TRDN: variants seen among roughly 807,000 people sequenced by gnomAD.
TRDN encodes the protein triadin in skeletal muscle.
In TRDN, 161 loss-of-function variants were observed where a neutral mutation model predicts 149.7. The ratio of observed to expected loss-of-function variants is 1.08; its 90% CI spans 0.95 to 1.23. The LOEUF is 1.23. Among genes scored for constraint, TRDN ranks in the 50% most tolerant of loss-of-function variants. The pLI, the probability that TRDN is intolerant of heterozygous loss-of-function variation, is 0.00. For missense variants in TRDN, 896 were observed against 823.5 expected (o/e 1.09, Z -1.08); for synonymous variants, 294 against 250.5 (o/e 1.17, Z -1.64).
chr6:123,535,972 T>C (rs1351851396), intron 4 of TRDN, among the ~76,000 whole-genome samples: 2 of 152,178 alleles, frequency 1.3e-5, no homozygotes, highest in Non-Finnish European at 2.9e-5. Flanking sequence ...ATGTTGAAGA[T>C]AATTAACACG....
chr6:123,306,786 G>C lies in TRDN; in HGVS notation c.1510+9671C>G, dbSNP rs182021295. 1.7e-3 allele frequency among the ~76,000 whole-genome samples: 253 copies of C among 151,992 alleles called. 1 individual carries two copies. The highest frequency in any genetic ancestry group is 5.8e-3 in the African/African-American group (240 of 41,462). On this transcript the variant is annotated intron_variant, in intron 24 of 40. Coordinates refer to ENST00000334268, the MANE Select transcript of TRDN (RefSeq NM_006073.4). ...CCAGTCTGCAGGTATGTCATGAATT[G>C]CTATTCTTTCTTCCCAAATAAAACA... is the stretch of plus-strand genomic sequence containing the variant.
chr6:123,391,225 A>G (rs1327913496), intron 13 of TRDN, among the ~76,000 whole-genome samples: 2 of 152,104 alleles, frequency 1.3e-5, no homozygotes, highest in African/African-American at 4.8e-5. Context: ...ACTTTTGCTC[A>G]ACATTCATCC....
intron 10 of TRDN, among the ~76,000 whole-genome samples, chr6:123,455,515 A>G (rs1456097131): frequency 6.6e-6 from 1 of 151,704 alleles, no homozygotes; most frequent in East Asian, 1.9e-4. Context: ...GCTATATTTT[A>G]TTTTTCCACT....
chr6:123,518,988 G>T (rs918230316), intron 5 of TRDN, among the ~76,000 whole-genome samples: 1 of 152,114 alleles, frequency 6.6e-6, no homozygotes, highest in Non-Finnish European at 1.5e-5. Context: ...AGCTGCATTC[G>T]CTTGAGCGTC....
intron 1 of TRDN, among the ~76,000 whole-genome samples, chr6:123,600,702 G>A (rs1784239341): frequency 1.3e-5 from 2 of 152,072 alleles, no homozygotes; most frequent in East Asian, 1.9e-4. Flanking sequence ...GACCGCTCTG[G>A]TTATACAGCA....
At chr6:123,497,373 T>A (rs1778494073) in intron 8 of TRDN, 121 bp from the exon 9 acceptor site, 2 of 585,812 alleles carry the variant, frequency 3.4e-6, no homozygotes, top group South Asian at 7.2e-5. Flanking sequence ...ACTACAATAT[T>A]TTCTGTAAAA....
At chr6:123,356,337 T>C (rs114556847) in intron 20 of TRDN, among the ~76,000 whole-genome samples, 12,307 of 151,204 alleles carry the variant, frequency 0.081, 1,665 homozygotes, top group African/African-American at 0.28. Flanking sequence ...ATGAATATAG[T>C]TTCCTTTTAT....
At chr6:123,317,451 AATTT>A (rs1779068194) in intron 23 of TRDN, among the ~76,000 whole-genome samples, 1 of 151,936 alleles carries the variant, frequency 6.6e-6, no homozygotes, top group Admixed American at 6.6e-5. Context: ...TTTAAAAACT[AATTT>A]GTTTAACTGC....
At chr6:123,431,827 G>T (rs575099427) in intron 12 of TRDN, among the ~76,000 whole-genome samples, 2 of 152,210 alleles carry the variant, frequency 1.3e-5, no homozygotes, top group South Asian at 2.1e-4. Context: ...TGTTACAAAA[G>T]ATTCAAAAGT....
chr6:123,380,100 G>T (rs1028869127), intron 16 of TRDN, among the ~76,000 whole-genome samples: 16 of 152,132 alleles, frequency 1.1e-4, no homozygotes, highest in African/African-American at 3.9e-4. Flanking sequence ...AATTTGAAAA[G>T]AACTGATAGG....
chr6:123,351,054 C>G (rs2114292943), intron 21 of TRDN: 1 of 939,474 alleles, frequency 1.1e-6, no homozygotes, highest in East Asian at 1.2e-4. Flanking sequence ...TGTTTTATAT[C>G]TAGTCAATCT....
chr6:123,601,554 T>C (rs1014639359), intron 1 of TRDN, among the ~76,000 whole-genome samples: 4 of 152,092 alleles, frequency 2.6e-5, no homozygotes, highest in African/African-American at 9.7e-5. Context: ...ACATGCCCCA[T>C]TGGTGCTAAT....
chr6:123,226,388 G>A (rs1775368045), intron 38 of TRDN, among the ~76,000 whole-genome samples: 1 of 151,870 alleles, frequency 6.6e-6, no homozygotes, highest in Non-Finnish European at 1.5e-5. Flanking sequence ...CAAAGTCCGT[G>A]TCCAAAAGGA....
Position 123,474,186 on chromosome 6 carries a change from T to C in TRDN, c.854-9203A>G, listed in dbSNP as rs534778283. ...AGTCAAGACCCATCAGTGTGCTGTA[T>C]TCAGGAAACCCATCTCATATGCAGA... On this transcript the variant is annotated intron_variant, in intron 9 of 40. Transcript: ENST00000334268. Among the ~76,000 whole-genome samples the C allele has an allele frequency of 2.6e-5, 4 of 152,094 alleles. 1 individual carries two copies. The South Asian group carries it at 8.3e-4, about 32-fold the overall frequency.
intron 4 of TRDN, among the ~76,000 whole-genome samples, chr6:123,537,175 C>T (rs1270865059): frequency 6.6e-6 from 1 of 152,056 alleles, no homozygotes; most frequent in Non-Finnish European, 1.5e-5. Context: ...TAAAACCGAG[C>T]TTAAAGGAAG....
chr6:123,365,135 G>C (rs2114354082), intron 20 of TRDN, among the ~76,000 whole-genome samples: 1 of 152,214 alleles, frequency 6.6e-6, no homozygotes, highest in South Asian at 2.1e-4. Flanking sequence ...CCTATCTACT[G>C]TAAATTCAGA....
intron 21 of TRDN, chr6:123,350,625 C>A: frequency 1.3e-6 from 1 of 758,292 alleles, no homozygotes. Flanking sequence ...ATTAAAAGCA[C>A]AAAATATCTA....
intron 12 of TRDN, among the ~76,000 whole-genome samples, chr6:123,411,488 T>C (rs1773441334): frequency 6.6e-6 from 1 of 152,156 alleles, no homozygotes; most frequent in Non-Finnish European, 1.5e-5. Context: ...TTGGAAAGTT[T>C]GGAATTTCTG....
intron 38 of TRDN, among the ~76,000 whole-genome samples, chr6:123,228,102 T>C (rs1775456564): frequency 6.6e-6 from 1 of 151,822 alleles, no homozygotes; most frequent in Non-Finnish European, 1.5e-5. Context: ...ACACCTGCTA[T>C]GTGCCAGCCA....
Sources: allele counts gnomAD v4.1 joint callset (sites outside exome capture counted in the v4.1 genomes callset), GRCh38; gene constraint gnomAD v4.1.1; transcripts MANE v1.5; gene names NCBI Gene and HGNC (gene_info 2026-07-23, HGNC 2026-07-21).